Variants in RPH3AL observed in about 807,000 individuals in gnomAD.
RPH3AL encodes rab effector Noc2.
RPH3AL carries 38 observed loss-of-function variants against 43.1 expected under a neutral mutation model. That is an observed-to-expected ratio of 0.88 (90% CI 0.68 to 1.15). RPH3AL has a LOEUF of 1.15. Ranked by LOEUF, RPH3AL falls within the 50% of genes most tolerant of loss-of-function variation. The pLI is 0.00. For missense variants in RPH3AL, 462 were observed against 423.2 expected (o/e 1.09, Z -0.81); for synonymous variants, 189 against 176.3 (o/e 1.07, Z -0.57).
intron 1 of RPH3AL, chr17:349,437 G>A (rs2045311826): frequency 6.6e-6 from 1 of 152,130 alleles, no homozygotes; most frequent in African/African-American, 2.4e-5. Flanking sequence ...AACATCCAGG[G>A]GCCAGGAGCG....
intron 5 of RPH3AL, among the ~76,000 whole-genome samples, chr17:315,270 G>A (rs113840412): frequency 0.035 from 297 of 8,492 alleles, 4 homozygotes; most frequent in Admixed American, 0.044. Flanking sequence ...CACCTCCATT[G>A]ACCTGTAGTC....
chr17:320,941 C>T (rs2044452588), intron 4 of RPH3AL, among the ~76,000 whole-genome samples: 1 of 152,208 alleles, frequency 6.6e-6, no homozygotes, highest in African/African-American at 2.4e-5. Context: ...GAACCCCTCC[C>T]TTGGCTGAAC....
intron 7 of RPH3AL, among the ~76,000 whole-genome samples, chr17:231,897 C>T (rs1310517772): frequency 6.6e-6 from 1 of 152,282 alleles, no homozygotes; most frequent in African/African-American, 2.4e-5. Context: ...TGGAAATCCA[C>T]CTCTAAGCCA....
chr17:271,332 T>C (rs1240525840), intron 6 of RPH3AL, among the ~76,000 whole-genome samples: 1 of 152,220 alleles, frequency 6.6e-6, no homozygotes, highest in Admixed American at 6.5e-5. Context: ...GGTAGCCTGA[T>C]GGGGATGGCA....
At chr17:331,948 G>A in intron 2 of RPH3AL, 1 of 1,147,962 alleles carries the variant, frequency 8.7e-7, no homozygotes, top group Admixed American at 2.3e-5. Context: ...GAAAAGCAGG[G>A]AAGGCAAACC....
rs541799682 is a variant in RPH3AL at position 309,738 on chromosome 17, G to C, written c.351+9682C>G. Among the ~76,000 whole-genome samples, 72 of 145,924 alleles carry C rather than the reference G, an allele frequency of 4.9e-4. 1 individual carries two copies. The highest frequency in any genetic ancestry group is 2.0e-3 in the African/African-American group (71 of 36,372). On this transcript the variant is annotated intron_variant, in intron 5 of 9. Transcript: ENST00000331302. ...CTGCTGGGGGTCCAGGATACGGCAT[G>C]TCCCCTGCCCTGCCCCAGGCTCCTG...
intron 5 of RPH3AL, among the ~76,000 whole-genome samples, chr17:301,984 A>G (rs62053677): frequency 0.052 from 7,970 of 152,178 alleles, 261 homozygotes; most frequent in Middle Eastern, 0.14. Context: ...TCTCAGAAGC[A>G]CCCCCACCCT....
intron 2 of RPH3AL, among the ~76,000 whole-genome samples, chr17:330,753 G>C (rs993132672): frequency 6.6e-6 from 1 of 152,030 alleles, no homozygotes; most frequent in Admixed American, 6.5e-5. Context: ...GCGCGCACCT[G>C]TAATCCCAGC....
chr17:305,813 C>T (rs2043471754), intron 5 of RPH3AL, among the ~76,000 whole-genome samples: 1 of 152,022 alleles, frequency 6.6e-6, no homozygotes, highest in Admixed American at 6.6e-5. Context: ...CTCTGAGCTG[C>T]CAGCCTCCCT....
chr17:232,283 C>T lies in RPH3AL; in HGVS notation c.614-12547G>A, dbSNP rs138793465. Reference sequence around the variant, plus strand: ...ATTCTGTAAAATGGGACAACAGTAGCGGCCCCGTCACAGGTTGTTGGGGGA... The same window carrying T: ...ATTCTGTAAAATGGGACAACAGTAGTGGCCCCGTCACAGGTTGTTGGGGGA... On this transcript the variant is annotated intron_variant, in intron 7 of 9. Transcript: ENST00000331302. Among the ~76,000 whole-genome samples, 327 of 152,314 alleles carry T rather than the reference C, an allele frequency of 2.1e-3. 2 individuals carry two copies. The highest frequency in any genetic ancestry group is 7.6e-3 in the African/African-American group (318 of 41,572).
chr17:275,002 G>A lies in RPH3AL; in HGVS notation c.438+6766C>T, dbSNP rs552588884. Among the ~76,000 whole-genome samples, 22 of 152,304 alleles carry A rather than the reference G, an allele frequency of 1.4e-4. No individual in the cohort carries two copies. The South Asian group carries it at 2.9e-3, about 20-fold the overall frequency. Reference sequence around the variant, plus strand: ...TTACACCGGAGGGGAAAGAGCAGACGTGGTCACGGAGAAAACAGAGTAGCT... The same window carrying A: ...TTACACCGGAGGGGAAAGAGCAGACATGGTCACGGAGAAAACAGAGTAGCT... On this transcript the variant is annotated intron_variant, in intron 6 of 9. Transcript: ENST00000331302.
At chr17:342,423 C>A (rs1051137596) in intron 1 of RPH3AL, among the ~76,000 whole-genome samples, 3 of 152,192 alleles carry the variant, frequency 2.0e-5, no homozygotes, top group African/African-American at 7.2e-5. Flanking sequence ...CATAGCAGCA[C>A]CATTCACAAT....
intron 5 of RPH3AL, among the ~76,000 whole-genome samples, chr17:296,981 C>T (rs1322932827): frequency 6.6e-6 from 1 of 152,156 alleles, no homozygotes; most frequent in Non-Finnish European, 1.5e-5. Flanking sequence ...AACCGTAACA[C>T]CGATTTTCCC....
rs959410537 is a variant in RPH3AL, at chr17:241,602, T to C, written c.613+5509A>G. Among the ~76,000 whole-genome samples the C allele has an allele frequency of 2.6e-5, 4 of 152,226 alleles. No individual in the cohort carries two copies. In the East Asian group the frequency reaches 5.8e-4, roughly 22 times the overall value. On this transcript the variant is annotated intron_variant, in intron 7 of 9. Coordinates refer to ENST00000331302, the MANE Select transcript of RPH3AL (RefSeq NM_006987.4). ...AGTGTTGGGTAAGAGCCTATTTTTA[T>C]TGCTAAAACAAAAGCCAAAAAAACC...
At chr17:298,577 C>CT (rs558803598) in intron 5 of RPH3AL, among the ~76,000 whole-genome samples, 151 of 151,910 alleles carry the variant, frequency 9.9e-4, no homozygotes, top group African/African-American at 3.5e-3. Context: ...TGGAGGCACA[C>CT]TCCTGTAGCC....
At position 215,653 on chromosome 17, in the gene RPH3AL, C is replaced by A; in HGVS notation, c.876+1G>T. On this transcript the variant is annotated splice_donor_variant, in intron 9 of 9. Coordinates refer to ENST00000331302, the MANE Select transcript of RPH3AL (RefSeq NM_006987.4). LOFTEE classifies it high-confidence loss of function. This position sits in a 1 kb window ranked among gnomAD's most constrained non-coding sequence, Gnocchi z 4.1. ...GGAGAAGGCAGCAGTTGGGTACTCA[C>A]CGGGGCCCTTCGGGTCAGCCCGGGG... 4 of 1,280,082 alleles carry A rather than the reference C, an allele frequency of 3.1e-6. No homozygotes were observed. Among genetic ancestry groups the A allele is most frequent in the Non-Finnish European group, 4.0e-6 (4 of 1,008,782 alleles). The allele number at this position is 1,280,082 out of a possible 1,614,324, so 79.3% of individuals were successfully genotyped here. A position where few individuals can be genotyped will look rare whatever the true frequency, so the allele number is the denominator to read the frequency against.
chr17:312,577 C>T (rs1369272330), intron 5 of RPH3AL, among the ~76,000 whole-genome samples: 1 of 152,218 alleles, frequency 6.6e-6, no homozygotes, highest in African/African-American at 2.4e-5. Context: ...GGATCTGCTC[C>T]ATCGTTGGTA....
chr17:228,503 G>A (rs1189469171), intron 7 of RPH3AL, among the ~76,000 whole-genome samples: 1 of 152,180 alleles, frequency 6.6e-6, no homozygotes, highest in Admixed American at 6.5e-5. Context: ...AGAGGCAGCT[G>A]GAACTCACGG....
At chr17:253,032 T>C (rs1368676505) in intron 6 of RPH3AL, among the ~76,000 whole-genome samples, 2 of 152,142 alleles carry the variant, frequency 1.3e-5, no homozygotes, top group South Asian at 2.1e-4. Flanking sequence ...GTAAGTGTTT[T>C]TGGGGTGGGG....
Sources: gnomAD v4.1 joint callset for allele counts (sites outside exome capture counted in the v4.1 genomes callset) on GRCh38, gnomAD v4.1.1 for gene constraint, Gnocchi (gnomAD v3.1) non-coding constraint, MANE v1.5 for transcripts, NCBI Gene and HGNC (gene_info 2026-07-23, HGNC 2026-07-21) for gene names.